Variants in GUCY1A1 observed in about 807,000 individuals in gnomAD.
The protein encoded by GUCY1A1 is guanylate cyclase 1 soluble subunit alpha 1.
In GUCY1A1, 48 loss-of-function variants were observed where a neutral mutation model predicts 64.5. The observed-to-expected ratio is 0.74, with a 90% confidence interval of 0.59 to 0.95. The LOEUF (loss-of-function observed/expected upper bound fraction) is 0.95. Ranked by LOEUF, GUCY1A1 falls within the 40% of genes least tolerant of loss-of-function variation. The pLI is 0.00. For synonymous variants in GUCY1A1, 308 were observed against 303.4 expected (o/e 1.02, Z -0.16); for missense variants, 804 against 825.3 (o/e 0.97, Z 0.32).
intron 2 of GUCY1A1, among the ~76,000 whole-genome samples, chr4:155,691,783 ATTAT>A (rs1387822017): frequency 6.6e-6 from 1 of 151,866 alleles, no homozygotes; most frequent in South Asian, 2.1e-4. Flanking sequence ...CGATTTTTTT[ATTAT>A]TTATTTATTT....
intron 4 of GUCY1A1, among the ~76,000 whole-genome samples, chr4:155,706,264 A>T (rs11945064): frequency 6.6e-6 from 1 of 152,174 alleles, no homozygotes. Context: ...ATTTTTGCTC[A>T]TAAGCCTGCC....
At chr4:155,695,285 T>C (rs1730268992) in intron 2 of GUCY1A1, among the ~76,000 whole-genome samples, 2 of 151,994 alleles carry the variant, frequency 1.3e-5, no homozygotes, top group African/African-American at 4.8e-5. Flanking sequence ...ATGACTTACA[T>C]GTGACAATTT....
intron 3 of GUCY1A1, among the ~76,000 whole-genome samples, chr4:155,700,157 T>C (rs1180088752): frequency 6.6e-6 from 1 of 152,166 alleles, no homozygotes; most frequent in East Asian, 1.9e-4. Context: ...CCTTCAGGCA[T>C]ACTGTCTTGA....
chr4:155,717,531 G>A (rs192789689), intron 8 of GUCY1A1, among the ~76,000 whole-genome samples: 1 of 152,124 alleles, frequency 6.6e-6, no homozygotes, highest in East Asian at 1.9e-4. Context: ...TCTATAAGTT[G>A]GGCTTTCAAA....
At chr4:155,669,252 G>T (rs1733789727) in intron 2 of GUCY1A1, among the ~76,000 whole-genome samples, 1 of 151,824 alleles carries the variant, frequency 6.6e-6, no homozygotes, top group Non-Finnish European at 1.5e-5. Context: ...TATTTATAAG[G>T]TATATTTATA....
intron 9 of GUCY1A1, among the ~76,000 whole-genome samples, chr4:155,727,476 C>G (rs1734867305): frequency 6.6e-6 from 1 of 151,670 alleles, no homozygotes; most frequent in African/African-American, 2.4e-5. Flanking sequence ...AAAGCCACTT[C>G]TAAAGGCTGA....
chr4:155,703,954 T>G lies in GUCY1A1; in HGVS notation c.278T>G (p.Leu93Arg). ...FPEFERLNVA[L>R]QRTLAKHKIK... Reference sequence around the variant, plus strand: ...CAGTTTGAACGGCTGAATGTTGCACTTCAGAGAACATTGGCAAAGCACAAA... The same window carrying G: ...CAGTTTGAACGGCTGAATGTTGCACGTCAGAGAACATTGGCAAAGCACAAA... The change falls in exon 4 of 10, where the codon CTT becomes CGT. Residue 93 changes from leucine (L) to arginine (R), a missense_variant. Transcript: ENST00000506455. The G allele has an allele frequency of 6.2e-7, 1 of 1,608,456 alleles. No individual in the cohort carries two copies. The highest frequency in any genetic ancestry group is 8.5e-7 in the Non-Finnish European group (1 of 1,176,714).
At position 155,697,134 on chromosome 4, in the gene GUCY1A1, C is replaced by T; in HGVS notation, c.255+12C>T. 3 of 1,594,578 alleles carry T rather than the reference C, an allele frequency of 1.9e-6. No homozygotes were observed. Among genetic ancestry groups the T allele is most frequent in the East Asian group, 2.2e-5 (1 of 44,710 alleles). ...TGATTTTCCCAGAGGTGAGTGCGTG[C>T]TCTTTAGATTTTGAAATTGTAATAC... On this transcript the variant is annotated intron_variant, in intron 3 of 9. Transcript: ENST00000506455.
intron 7 of GUCY1A1, among the ~76,000 whole-genome samples, chr4:155,716,055 G>A (rs1038125459): frequency 3.9e-5 from 6 of 152,116 alleles, no homozygotes; most frequent in African/African-American, 1.2e-4. Context: ...TCTGCAGAGA[G>A]ATTGCTCCAG....
chr4:155,690,802 A>G (rs980109581), intron 2 of GUCY1A1, among the ~76,000 whole-genome samples: 1 of 152,188 alleles, frequency 6.6e-6, no homozygotes, highest in African/African-American at 2.4e-5. Flanking sequence ...TACATCAGAA[A>G]TAGTTTTCCT....
At position 155,730,299 on chromosome 4, in the gene GUCY1A1, C is replaced by T; in HGVS notation, c.*68C>T. 1 of 951,716 alleles carries T rather than the reference C, an allele frequency of 1.1e-6. No individual in the cohort carries two copies. The highest frequency in any genetic ancestry group is 1.7e-6 in the Non-Finnish European group (1 of 600,748). The allele number at this position is 951,716 out of a possible 1,614,324, so 59.0% of individuals were successfully genotyped here. The stretch of plus-strand genomic sequence containing the variant: ...TGAAGATGTGTAGAGCCTCTGAAAG[C>T]ACTTTAGGGATTGTAGATGGCTAAC... On this transcript the variant is annotated 3_prime_UTR_variant, in exon 10 of 10. Transcript: ENST00000506455.
At chr4:155,723,140 C>T (rs1005312237) in intron 9 of GUCY1A1, among the ~76,000 whole-genome samples, 1 of 152,128 alleles carries the variant, frequency 6.6e-6, no homozygotes, top group African/African-American at 2.4e-5. Flanking sequence ...AAAACAGATA[C>T]TCCTATAACT....
At chr4:155,727,168 A>C (rs2126995069) in intron 9 of GUCY1A1, among the ~76,000 whole-genome samples, 1 of 152,014 alleles carries the variant, frequency 6.6e-6, no homozygotes, top group South Asian at 2.1e-4. Context: ...TGTAGAGAAA[A>C]ATGTCCACCT....
In GUCY1A1 at chr4:155,736,797, G is replaced by A. The variant is rs992305768; in HGVS notation, c.*6566G>A. Reference sequence around the variant, plus strand: ...AGGTATACCAAGTTTTTTTTGTTATGTTTAGTAACTAATTTCATTTTTTCT... The same window carrying A: ...AGGTATACCAAGTTTTTTTTGTTATATTTAGTAACTAATTTCATTTTTTCT... On this transcript the variant is annotated 3_prime_UTR_variant, in exon 10 of 10. Transcript: ENST00000506455. The A allele has an allele frequency of 2.0e-5, 3 of 151,544 alleles. No individual in the cohort carries two copies. The highest frequency in any genetic ancestry group is 4.4e-5 in the Non-Finnish European group (3 of 67,832). The allele number at this position is 151,544 out of a possible 1,614,324, so 9.4% of individuals were successfully genotyped here.
At chr4:155,677,793 A>T (rs2340993) in intron 2 of GUCY1A1, among the ~76,000 whole-genome samples, 12,692 of 152,212 alleles carry the variant, frequency 0.083, 734 homozygotes, top group South Asian at 0.22. Flanking sequence ...CGGAGGTTGC[A>T]GTGAGCCAAG....
Position 155,735,013 on chromosome 4 carries a change from T to C in GUCY1A1, c.*4782T>C, listed in dbSNP as rs1735921680. The C allele has an allele frequency of 6.6e-6, 1 of 151,988 alleles. No individual in the cohort carries two copies. Among genetic ancestry groups the C allele is most frequent in the South Asian group, 2.1e-4 (1 of 4,830 alleles). The allele number at this position is 151,988 out of a possible 1,614,324, so 9.4% of individuals were successfully genotyped here. A position where few individuals can be genotyped will look rare whatever the true frequency, so the allele number is the denominator to read the frequency against. ...CTTAGCACGTCAGCTAGTAGATCTT[T>C]GATGAACTGTTGCTCCTCTTTAAAT... On this transcript the variant is annotated 3_prime_UTR_variant, in exon 10 of 10. Transcript: ENST00000506455.
intron 2 of GUCY1A1, among the ~76,000 whole-genome samples, chr4:155,686,028 C>A (rs1728957730): frequency 6.6e-6 from 1 of 152,186 alleles, no homozygotes; most frequent in South Asian, 2.1e-4. Context: ...TCACTTTTGT[C>A]AGGAATCCCT....
chr4:155,728,741 TAGTC>T (rs1015960961), intron 9 of GUCY1A1, among the ~76,000 whole-genome samples: 1 of 151,862 alleles, frequency 6.6e-6, no homozygotes, highest in African/African-American at 2.4e-5. Flanking sequence ...AATTGATGCT[TAGTC>T]AGTTTTTAAA....
chr4:155,717,696 G>A (rs939281319), intron 8 of GUCY1A1, among the ~76,000 whole-genome samples: 1 of 152,114 alleles, frequency 6.6e-6, no homozygotes, highest in African/African-American at 2.4e-5. Context: ...TCAGAAAGCT[G>A]CTGCCTCTTC....
Sources: gnomAD v4.1 joint callset for allele counts (sites outside exome capture counted in the v4.1 genomes callset) on GRCh38, gnomAD v4.1.1 for gene constraint, MANE v1.5 for transcripts, NCBI Gene and HGNC (gene_info 2026-07-23, HGNC 2026-07-21) for gene names.